The following SLC35D1 variants were observed in gnomAD, a reference collection of about 807,000 sequenced individuals.
The protein encoded by SLC35D1 is solute carrier family 35 member D1, also known as nucleotide sugar transporter SLC35D1.
SLC35D1 carries 31 observed loss-of-function variants against 46.7 expected under a neutral mutation model. The observed-to-expected ratio is 0.66, with a 90% CI of 0.50 to 0.90. The LOEUF is 0.90. Ranked by LOEUF, SLC35D1 falls within the 40% of genes least tolerant of loss-of-function variation. The pLI is 0.00. For missense variants in SLC35D1, 397 were observed against 426.2 expected, an observed-to-expected ratio of 0.93 and a Z score of 0.60; for synonymous variants, 195 against 164.6, an observed-to-expected ratio of 1.18 and a Z score of -1.41.
At chr1:67,016,414 GT>G (rs1667687762) in intron 10 of SLC35D1, among the ~76,000 whole-genome samples, 1 of 151,942 alleles carries the variant, frequency 6.6e-6, no homozygotes, top group Non-Finnish European at 1.5e-5. Context: ...GTAAATATAG[GT>G]TTCTGATAAC....
chr1:66,975,016 A>G, the SLC35D1 span, among the ~76,000 whole-genome samples: 3 of 152,148 alleles, frequency 2.0e-5, no homozygotes, highest in African/African-American at 7.2e-5. Context: ...GATTTTTTTT[A>G]AAGTCCTGAT....
intron 10 of SLC35D1, among the ~76,000 whole-genome samples, chr1:67,014,114 G>A (rs57476475): frequency 0.19 from 29,011 of 152,076 alleles, 5,078 homozygotes; most frequent in African/African-American, 0.47. Context: ...TCTGCCTTGA[G>A]CTCAGTGATC....
the SLC35D1 span, chr1:66,986,389 T>A: frequency 6.2e-7 from 1 of 1,609,764 alleles, no homozygotes; most frequent in Non-Finnish European, 8.5e-7. Flanking sequence ...ATTATTCTTG[T>A]TTTTCTCACA....
intron 6 of SLC35D1, among the ~76,000 whole-genome samples, chr1:67,047,646 T>C (rs1645265930): frequency 6.6e-6 from 1 of 152,180 alleles, no homozygotes; most frequent in African/African-American, 2.4e-5. Context: ...CAAAGCCAGA[T>C]GACAACAAGC....
the SLC35D1 span, chr1:66,976,792 A>T: frequency 3.1e-6 from 4 of 1,292,834 alleles, no homozygotes; most frequent in Non-Finnish European, 3.1e-6. Context: ...TTCTTGAGTT[A>T]ATTATTATTT....
downstream of SLC35D1, among the ~76,000 whole-genome samples, chr1:66,995,360 A>G (rs536716394): frequency 6.9e-6 from 1 of 144,930 alleles, no homozygotes; most frequent in South Asian, 2.2e-4. Flanking sequence ...GACCTACAGT[A>G]TACAATCCAA....
chr1:67,014,677 T>TTG (rs1667644124), intron 10 of SLC35D1, among the ~76,000 whole-genome samples: 1 of 144,784 alleles, frequency 6.9e-6, no homozygotes, highest in African/African-American at 2.5e-5. Context: ...TTAGTTTTTT[T>TTG]TTTTTTTTTT....
intron 8 of SLC35D1, chr1:67,032,170 T>C (rs1435340945): frequency 1.2e-6 from 1 of 819,140 alleles, no homozygotes; most frequent in Non-Finnish European, 1.5e-6. Flanking sequence ...AATAAAGTCT[T>C]TAGCGCTACA....
the SLC35D1 span, chr1:66,981,888 G>C: frequency 6.2e-7 from 1 of 1,614,036 alleles, no homozygotes; most frequent in Non-Finnish European, 8.5e-7. Flanking sequence ...TGAGAAAGAA[G>C]ATGGCACTGT....
the SLC35D1 span, among the ~76,000 whole-genome samples, chr1:66,976,911 A>T: frequency 6.6e-6 from 1 of 152,218 alleles, no homozygotes; most frequent in Non-Finnish European, 1.5e-5. Context: ...CTTCATAAAT[A>T]AGGCATTTAG....
chr1:67,010,872 G>A (rs1053724599), intron 10 of SLC35D1, among the ~76,000 whole-genome samples: 15 of 151,626 alleles, frequency 9.9e-5, no homozygotes, highest in Non-Finnish European at 8.8e-5. Context: ...GCTCTGCAAA[G>A]CTGTCTTTTG....
At chr1:67,012,721 A>G (rs1361426544) in intron 10 of SLC35D1, among the ~76,000 whole-genome samples, 1 of 152,156 alleles carries the variant, frequency 6.6e-6, no homozygotes, top group African/African-American at 2.4e-5. Context: ...AATCCTTTGT[A>G]AGCTCACACT....
chr1:67,021,732 C>G (rs1333367193), intron 8 of SLC35D1, 130 bp from the exon 9 acceptor site: 3 of 684,856 alleles, frequency 4.4e-6, no homozygotes, highest in Non-Finnish European at 5.3e-6. Flanking sequence ...CAGACACACA[C>G]ACACACACAC....
chr1:67,029,490 A>G (rs934553760), intron 8 of SLC35D1, among the ~76,000 whole-genome samples: 9 of 152,356 alleles, frequency 5.9e-5, no homozygotes, highest in African/African-American at 1.7e-4. Context: ...TCAGGAGACC[A>G]GCTTCTGCTA....
intron 8 of SLC35D1, among the ~76,000 whole-genome samples, chr1:67,028,570 A>G (rs1229165455): frequency 6.6e-6 from 1 of 152,180 alleles, no homozygotes; most frequent in Non-Finnish European, 1.5e-5. Context: ...GAATTAACCC[A>G]TTTTATCATT....
At chr1:67,046,290 T>C (rs1461062711) in intron 7 of SLC35D1, among the ~76,000 whole-genome samples, 1 of 152,206 alleles carries the variant, frequency 6.6e-6, no homozygotes. Context: ...CTAATAGTAC[T>C]ATCAAGCAGG....
intron 10 of SLC35D1, among the ~76,000 whole-genome samples, chr1:67,012,629 C>T (rs1049832361): frequency 2.7e-5 from 4 of 148,008 alleles, no homozygotes; most frequent in Non-Finnish European, 4.5e-5. Context: ...TTAGAAGACA[C>T]ACAATAGTGT....
At chr1:67,021,253 A>G (rs977698206) in intron 9 of SLC35D1, among the ~76,000 whole-genome samples, 2 of 152,230 alleles carry the variant, frequency 1.3e-5, no homozygotes, top group African/African-American at 4.8e-5. Context: ...TCAAATGGTC[A>G]GTATAGAGAT....
Position 67,052,681 on chromosome 1 carries a change from G to A in SLC35D1, c.324+90C>T, listed in dbSNP as rs548015636. The stretch of plus-strand genomic sequence containing the variant: ...CTCTAGACTGGGCAATTTTGAGGCT[G>A]CAATTTTTAAATACGCAAGGCACTG... On this transcript the variant is annotated intron_variant, in intron 3 of 11. Transcript: ENST00000235345. 3.5e-5 allele frequency: 48 copies of A among 1,375,752 alleles called. 1 individual carries two copies. In the South Asian group the frequency reaches 5.3e-4, roughly 15 times the overall value. 85.2% of individuals were successfully genotyped at this position (1,375,752 alleles called of 1,614,324 possible). A position where few individuals can be genotyped will look rare whatever the true frequency, so the allele number is the denominator to read the frequency against.
Sources: allele counts gnomAD v4.1 joint callset (sites outside exome capture counted in the v4.1 genomes callset), GRCh38; gene constraint gnomAD v4.1.1; transcripts MANE v1.5; gene names NCBI Gene and HGNC (gene_info 2026-07-23, HGNC 2026-07-21).